PATJ: variants seen among roughly 807,000 people sequenced by gnomAD.
The protein encoded by PATJ is PATJ crumbs cell polarity complex component.
Under a neutral mutation model 224.9 loss-of-function variants are expected in PATJ, and 190 were observed. That is an observed-to-expected ratio of 0.84 (90% CI 0.75 to 0.95). The LOEUF (loss-of-function observed/expected upper bound fraction) is 0.95, where lower values mean the gene tolerates loss of function less well. Ranked by LOEUF, PATJ falls within the 40% of genes least tolerant of loss-of-function variation. PATJ has a pLI of 0.00. For synonymous variants in PATJ, 769 were observed against 820.3 expected, an observed-to-expected ratio of 0.94 and a Z score of 1.07; for missense variants, 2,121 against 2,270.3, an observed-to-expected ratio of 0.93 and a Z score of 1.34.
At chr1:61,829,749 C>T (rs953895057) in intron 16 of PATJ, among the ~76,000 whole-genome samples, 4 of 152,086 alleles carry the variant, frequency 2.6e-5, no homozygotes, top group Admixed American at 6.5e-5. Flanking sequence ...TTTCATTTCT[C>T]CTAATACCAT....
chr1:62,156,654 G>A (rs201307619), intron 43 of PATJ, among the ~76,000 whole-genome samples: 14 of 151,934 alleles, frequency 9.2e-5, no homozygotes, highest in Admixed American at 5.3e-4. Flanking sequence ...AGTGGTTCAC[G>A]CCTGTAATCC....
intron 3 of PATJ, among the ~76,000 whole-genome samples, chr1:61,763,759 A>C (rs1646103998): frequency 6.6e-6 from 1 of 152,116 alleles, no homozygotes; most frequent in Non-Finnish European, 1.5e-5. Context: ...TCCCAGGCTC[A>C]AGCAATGTTC....
intron 27 of PATJ, among the ~76,000 whole-genome samples, chr1:61,987,406 T>TG (rs1553232492): frequency 1.6e-4 from 25 of 151,666 alleles, no homozygotes; most frequent in Non-Finnish European, 2.1e-4. Flanking sequence ...TCTTTTTTTT[T>TG]AAAAAAAAGA....
intron 8 of PATJ, among the ~76,000 whole-genome samples, chr1:61,788,666 G>T (rs1284537067): frequency 6.6e-6 from 1 of 150,902 alleles, no homozygotes; most frequent in African/African-American, 2.5e-5. Context: ...TTGTTTGTTT[G>T]TTTTGTTTTG....
chr1:61,905,133 TA>T (rs1671689468), intron 24 of PATJ, among the ~76,000 whole-genome samples: 1 of 152,184 alleles, frequency 6.6e-6, no homozygotes, highest in Non-Finnish European at 1.5e-5. Context: ...CAAAATACCA[TA>T]AACATAGAAA....
At chr1:61,943,355 G>GT (rs1678116734) in intron 27 of PATJ, among the ~76,000 whole-genome samples, 2 of 152,192 alleles carry the variant, frequency 1.3e-5, no homozygotes, top group Non-Finnish European at 2.9e-5. Context: ...AAGGAAAGCT[G>GT]TGACAGAGGG....
intron 20 of PATJ, among the ~76,000 whole-genome samples, chr1:61,867,260 T>C (rs34403905): frequency 0.073 from 11,097 of 152,246 alleles, 498 homozygotes; most frequent in South Asian, 0.15. Context: ...TTTGTTAAAG[T>C]GTTCTTCAAG....
At chr1:62,020,042 G>T (rs890891410) in intron 29 of PATJ, among the ~76,000 whole-genome samples, 8 of 151,912 alleles carry the variant, frequency 5.3e-5, no homozygotes, top group Non-Finnish European at 1.2e-4. Flanking sequence ...GGTGGCATGT[G>T]CCCTGTAGTC....
At chr1:61,814,032 A>G (rs545513690) in intron 14 of PATJ, among the ~76,000 whole-genome samples, 3 of 151,652 alleles carry the variant, frequency 2.0e-5, no homozygotes, top group Admixed American at 6.6e-5. Context: ...AAAACATTTA[A>G]TTAATTGAAA....
chr1:61,818,303 A>G (rs1389933801), intron 14 of PATJ, among the ~76,000 whole-genome samples: 2 of 152,206 alleles, frequency 1.3e-5, no homozygotes, highest in Non-Finnish European at 2.9e-5. Flanking sequence ...CCTGTTGCTC[A>G]TTAACTTTGT....
At chr1:61,840,192 T>C (rs1218879335) in intron 17 of PATJ, among the ~76,000 whole-genome samples, 1 of 152,058 alleles carries the variant, frequency 6.6e-6, no homozygotes, top group Non-Finnish European at 1.5e-5. Flanking sequence ...AATTCTCTTT[T>C]TAAAAGATTT....
intron 24 of PATJ, among the ~76,000 whole-genome samples, chr1:61,902,687 T>A (rs1671347872): frequency 6.6e-6 from 1 of 152,160 alleles, no homozygotes; most frequent in African/African-American, 2.4e-5. Flanking sequence ...AACAGTCCCT[T>A]CCCTTATGGT....
intron 22 of PATJ, among the ~76,000 whole-genome samples, chr1:61,889,576 T>C (rs1669307625): frequency 6.6e-6 from 1 of 152,178 alleles, no homozygotes; most frequent in East Asian, 1.9e-4. Flanking sequence ...CAGTAAGAGA[T>C]TAACAACAAT....
rs34621846 is a variant in PATJ at position 62,123,469 on chromosome 1, CTTTTTT to C, written c.5043+432_5043+437del. 1.4e-4 allele frequency among the ~76,000 whole-genome samples: 9 copies of C among 64,564 alleles called. No homozygotes were observed. In the East Asian group the frequency reaches 3.0e-3, roughly 22 times the overall value. The allele number at this position is 64,564 out of a possible 152,430, so 42.4% of individuals were successfully genotyped here. ...CATCTTATGAATGTGCTATAAGTTT[CTTTTTT>C]TTTTTTTTTTTTTTTTTTTTGAGAC... is the stretch of plus-strand genomic sequence containing the variant. On this transcript the variant is annotated intron_variant, in intron 39 of 43. Coordinates refer to ENST00000642238, the MANE Select transcript of PATJ (RefSeq NM_001350145.3).
intron 27 of PATJ, among the ~76,000 whole-genome samples, chr1:61,933,539 CAAA>C (rs796818712): frequency 5.6e-5 from 4 of 71,852 alleles, no homozygotes; most frequent in Admixed American, 1.8e-4. Context: ...GACTCCATCT[CAAA>C]AAAAAAAAAA....
intron 21 of PATJ, 140 bp downstream of exon 21, chr1:61,875,506 G>T: frequency 3.3e-6 from 2 of 613,190 alleles, no homozygotes; most frequent in East Asian, 3.3e-5. Flanking sequence ...TAATTAATCT[G>T]CTTCAGAATT....
intron 27 of PATJ, among the ~76,000 whole-genome samples, chr1:61,933,375 C>A (rs1172504905): frequency 6.6e-6 from 1 of 151,888 alleles, no homozygotes; most frequent in Non-Finnish European, 1.5e-5. Flanking sequence ...CCCGTCTCTA[C>A]TAAAAATACA....
rs1022222271 is a variant in PATJ, at chr1:62,158,637, T to C, written c.5503-2271T>C. On this transcript the variant is annotated intron_variant, in intron 43 of 43. Coordinates refer to ENST00000642238, the MANE Select transcript of PATJ (RefSeq NM_001350145.3). ...TCGGGAGGCTGAGGCAGGAGAATGG[T>C]GTGAACCGGCGAGGCAGAGCTTGCA... 1.9e-4 allele frequency among the ~76,000 whole-genome samples: 25 copies of C among 133,326 alleles called. 1 individual carries two copies. In the South Asian group the frequency reaches 4.8e-3, roughly 26 times the overall value. 87.5% of individuals were successfully genotyped at this position (133,326 alleles called of 152,430 possible). A position where few individuals can be genotyped will look rare whatever the true frequency, so the allele number is the denominator to read the frequency against.
intron 5 of PATJ, 46 bp from the exon 6 acceptor site, chr1:61,771,385 C>T (rs1465647777): frequency 2.4e-6 from 3 of 1,226,024 alleles, no homozygotes; most frequent in Non-Finnish European, 3.4e-6. Context: ...TTTTAAAAAT[C>T]AGGTTATTAG....
Sources: gnomAD v4.1 joint callset for allele counts (sites outside exome capture counted in the v4.1 genomes callset) on GRCh38, gnomAD v4.1.1 for gene constraint, MANE v1.5 for transcripts, NCBI Gene and HGNC (gene_info 2026-07-23, HGNC 2026-07-21) for gene names.